Variants in PRSS54 observed in about 807,000 individuals in gnomAD.
PRSS54 encodes inactive serine protease 54.
A neutral mutation model predicts 19.9 loss-of-function variants in PRSS54; 16 were observed. That is an observed-to-expected ratio of 0.80 (90% CI 0.54 to 1.22). The LOEUF is 1.22. PRSS54 is among the 50% of genes most tolerant of loss of function. PRSS54 has a pLI of 0.00. For synonymous variants in PRSS54, 177 were observed against 195.8 expected (o/e 0.90, Z 0.80); for missense variants, 444 against 494.8 (o/e 0.90, Z 0.97).
rs777367537 is a variant in PRSS54, at chr16:58,280,507, G to T, written c.905C>A (p.Ser302Tyr). 5.6e-6 allele frequency: 9 copies of T among 1,614,200 alleles called. No individual in the cohort carries two copies. The highest frequency in any genetic ancestry group is 7.6e-6 in the Non-Finnish European group (9 of 1,180,034). ...PNATMTQKTYSDSELGHVGSY... is the reference protein window; with the variant it reads ...PNATMTQKTYYDSELGHVGSY... ...TCCAACATGGCCCAGTTCAGAATCA[G>T]AATATGTCTTCTGTGTCATGGTGGC... The change falls in exon 7 of 7, where the codon TCT (serine) becomes TAT (tyrosine). Residue 302 changes from serine (S) to tyrosine (Y), a missense_variant. By Grantham distance (144) the Ser-to-Tyr change is moderately radical. Transcript: ENST00000567164.
intron 3 of PRSS54, 121 bp downstream of exon 3, chr16:58,293,611 G>T: frequency 1.3e-6 from 2 of 1,515,436 alleles, no homozygotes; most frequent in Non-Finnish European, 1.8e-6. Flanking sequence ...GGTGCAAAGT[G>T]CCGTGAGTCA....
chr16:58,293,805 C>G lies in PRSS54; in HGVS notation c.12G>C (p.Ala4=), dbSNP rs142583611. ...TCTTGCCATCCCCAGAGAGACCCGC[C>G]GCGGACACCATGGGCAGCTGGGGAA... is the stretch of plus-strand genomic sequence containing the variant. MVS[A]AGLSGDGKMR... is the part of the protein sequence containing the mutation. The change falls in exon 3 of 7, where the codon GCG becomes GCC. Residue 4 remains alanine (A), a synonymous_variant. Coordinates refer to ENST00000567164, the MANE Select transcript of PRSS54 (RefSeq NM_001305173.2). 6.8e-6 allele frequency: 11 copies of G among 1,612,994 alleles called. No individual in the cohort carries two copies. The African/African-American group carries it at 1.5e-4, about 22-fold the overall frequency.
At position 58,294,119 on chromosome 16, in the gene PRSS54, C is replaced by T. The variant is rs772048385; in HGVS notation, c.-141G>A. Reference sequence around the variant, plus strand: ...TTTTCTTCTCAATCCAGCCCAAGCCCCTGAGCACCCCAGAGAGTTGGGTCT... The same window carrying T: ...TTTTCTTCTCAATCCAGCCCAAGCCTCTGAGCACCCCAGAGAGTTGGGTCT... On this transcript the variant is annotated 5_prime_UTR_variant, in exon 2 of 7. Transcript: ENST00000567164. 1 of 373,536 alleles carries T rather than the reference C, an allele frequency of 2.7e-6. No homozygotes were observed. The highest frequency in any genetic ancestry group is 5.0e-6 in the Non-Finnish European group (1 of 200,420). The allele number at this position is 373,536 out of a possible 1,614,324, so 23.1% of individuals were successfully genotyped here.
intron 4 of PRSS54, among the ~76,000 whole-genome samples, chr16:58,288,049 A>G (rs1419921816): frequency 1.3e-5 from 2 of 152,222 alleles, no homozygotes; most frequent in African/African-American, 4.8e-5. Context: ...GACAACCTCA[A>G]CAAATCCTAA....
intron 3 of PRSS54, 78 bp downstream of exon 3, chr16:58,293,654 C>T (rs868792986): frequency 1.9e-6 from 3 of 1,550,926 alleles, no homozygotes; most frequent in Middle Eastern, 1.8e-4. Flanking sequence ...ACATTAAGGA[C>T]CACTTCATCT....
intron 4 of PRSS54, among the ~76,000 whole-genome samples, chr16:58,289,034 T>C (rs1368006711): frequency 6.6e-6 from 1 of 152,112 alleles, no homozygotes; most frequent in African/African-American, 2.4e-5. Context: ...TTTAAGGAGA[T>C]AATTAAGATT....
At chr16:58,287,556 A>G (rs1009180752) in intron 4 of PRSS54, among the ~76,000 whole-genome samples, 28 of 152,160 alleles carry the variant, frequency 1.8e-4, no homozygotes, top group Non-Finnish European at 2.9e-4. Flanking sequence ...GAATAAGGAC[A>G]CTGACTTCAC....
chr16:58,290,695 A>G (rs898742970), intron 4 of PRSS54, among the ~76,000 whole-genome samples: 2 of 152,210 alleles, frequency 1.3e-5, no homozygotes, highest in African/African-American at 4.8e-5. Context: ...TGATGGCGGT[A>G]AAATCAGAAA....
intron 3 of PRSS54, among the ~76,000 whole-genome samples, chr16:58,292,851 G>C (rs1383668690): frequency 9.9e-5 from 15 of 152,224 alleles, no homozygotes; most frequent in Admixed American, 9.8e-4. Context: ...CCCTTGGAAA[G>C]CCAAGATGTA....
intron 3 of PRSS54, among the ~76,000 whole-genome samples, chr16:58,292,747 G>A (rs943716425): frequency 5.9e-5 from 9 of 152,214 alleles, no homozygotes; most frequent in Admixed American, 5.9e-4. Context: ...CAAGGCATTT[G>A]CCAACCTTCC....
Position 58,291,016 on chromosome 16 carries a change from A to G in PRSS54, c.206T>C (p.Phe69Ser). 6.2e-7 allele frequency: 1 copy of G among 1,614,238 alleles called. No individual in the cohort carries two copies. The highest frequency in any genetic ancestry group is 8.5e-7 in the Non-Finnish European group (1 of 1,180,046). ...CCAGAACTCGCTCAGGATGCAGCCG[A>G]AAGCCAGGTGTGTGTACTGGGAGTC... is the stretch of plus-strand genomic sequence containing the variant. The part of the protein sequence containing the change: ...LQDSQYTHLA[F>S]GCILSEFWVL... The change falls in exon 4 of 7, where the codon TTC (phenylalanine) becomes TCC (serine). Residue 69 changes from phenylalanine (F) to serine (S), a missense_variant. By Grantham distance (155) the Phe-to-Ser change is radical. Transcript: ENST00000567164.
chr16:58,291,188 C>T (rs1434149893), intron 3 of PRSS54, 52 bp from the exon 4 acceptor site: 1 of 1,556,864 alleles, frequency 6.4e-7, no homozygotes, highest in East Asian at 2.2e-5. Context: ...CCTCAGGACC[C>T]TCTCTCCTGT....
At chr16:58,293,562 A>C (rs1318867407) in intron 3 of PRSS54, 170 bp downstream of exon 3, 1 of 985,114 alleles carries the variant, frequency 1.0e-6, no homozygotes, top group East Asian at 1.1e-4. Flanking sequence ...CCCATGATTC[A>C]CTTCTTTGCC....
chr16:58,289,595 G>A (rs553308350), intron 4 of PRSS54, among the ~76,000 whole-genome samples: 1 of 145,874 alleles, frequency 6.9e-6, no homozygotes, highest in South Asian at 2.1e-4. Flanking sequence ...TTTTGGACAT[G>A]GAATCTCGCT....
chr16:58,290,958 C>T lies in PRSS54; in HGVS notation c.263+1G>A. 2.5e-6 allele frequency: 4 copies of T among 1,614,100 alleles called. No individual in the cohort carries two copies. The highest frequency in any genetic ancestry group is 3.4e-6 in the Non-Finnish European group (4 of 1,179,996). ...CGGGCCCCAAAGGCAGGGGCACTGG[C>T]CTGTTCTGAATGGCGGATGCGATGC... On this transcript the variant is annotated splice_donor_variant, in intron 4 of 6. Coordinates refer to ENST00000567164, the MANE Select transcript of PRSS54 (RefSeq NM_001305173.2). LOFTEE classifies it high-confidence loss of function.
chr16:58,285,688 C>T (rs557438185), intron 5 of PRSS54, among the ~76,000 whole-genome samples: 6 of 137,772 alleles, frequency 4.4e-5, no homozygotes, highest in Middle Eastern at 4.5e-3. Context: ...TGCAGTGAGC[C>T]GTGATGGCAC....
In PRSS54 at chr16:58,280,202, G is replaced by C; in HGVS notation, c.*22C>G. On this transcript the variant is annotated 3_prime_UTR_variant, in exon 7 of 7. Transcript: ENST00000567164. Reference sequence around the variant, plus strand: ...CTCAGCATTCTCAGTTTACTCTTCAGTTTGGTGGGGTAGCTCCTGGACTAG... The same window carrying C: ...CTCAGCATTCTCAGTTTACTCTTCACTTTGGTGGGGTAGCTCCTGGACTAG... 1 of 1,585,566 alleles carries C rather than the reference G, an allele frequency of 6.3e-7. No homozygotes were observed. Among genetic ancestry groups the C allele is most frequent in the Non-Finnish European group, 8.6e-7 (1 of 1,165,852 alleles).
chr16:58,283,778 A>T (rs1337432516), intron 6 of PRSS54: 5 of 152,204 alleles, frequency 3.3e-5, no homozygotes, highest in Non-Finnish European at 7.3e-5. Context: ...AAGGGCAAAC[A>T]TATTTCTTAA....
At position 58,286,118 on chromosome 16, in the gene PRSS54, G is replaced by T. The variant is rs201169619; in HGVS notation, c.341C>A (p.Thr114Asn). The T allele has an allele frequency of 2.6e-5, 42 of 1,613,966 alleles. 1 individual carries two copies. The South Asian group carries it at 4.0e-4, about 15-fold the overall frequency. The change falls in exon 5 of 7, where the codon ACC (threonine) becomes AAC (asparagine). Residue 114 changes from threonine (T) to asparagine (N), a missense_variant. Physicochemically the swap from Thr to Asn is moderately conservative, Grantham distance 65 (BLOSUM62 0). Transcript: ENST00000567164. ...ATCAAAGTCCTCATGGATGATGATG[G>T]TATTGACTGGATACTCTGTGTGAGC... ...KIAHTEYPVN[T>N]IIIHEDFDNN... is the part of the protein sequence containing the mutation.
Sources: gnomAD v4.1 joint callset for allele counts (sites outside exome capture counted in the v4.1 genomes callset) on GRCh38, gnomAD v4.1.1 for gene constraint, MANE v1.5 for transcripts, NCBI Gene and HGNC (gene_info 2026-07-23, HGNC 2026-07-21) for gene names.